AKR1B1: variants seen among roughly 807,000 people sequenced by gnomAD.
AKR1B1 encodes aldo-keto reductase family 1 member B.
Under a neutral mutation model 40.4 loss-of-function variants are expected in AKR1B1, and 22 were observed. The ratio of observed to expected loss-of-function variants is 0.54; its 90% CI spans 0.39 to 0.78. AKR1B1 has a LOEUF of 0.78. Among genes scored for constraint, AKR1B1 ranks in the 30% least tolerant of loss-of-function variants. AKR1B1 has a pLI of 0.00. For missense variants in AKR1B1, 357 were observed against 396.7 expected (o/e 0.90, Z 0.85); for synonymous variants, 157 against 149.9 (o/e 1.05, Z -0.35).
rs1329102867 is a variant in AKR1B1 at position 134,445,081 on chromosome 7, T to TGATGCAAGTCACGTGGCTGAG, written c.908+136_908+156dup. On this transcript the variant is annotated intron_variant, in intron 9 of 9. Coordinates refer to ENST00000285930, the MANE Select transcript of AKR1B1 (RefSeq NM_001628.4). ...GCATCTTGGCTCCATGCAGTTCAGCTGATGCAAGTCACGTGGCTGAGAAAG... is the reference window on the plus strand; with the variant it reads ...GCATCTTGGCTCCATGCAGTTCAGCTGATGCAAGTCACGTGGCTGAGGATGCAAGTCACGTGGCTGAGAAAG... The TGATGCAAGTCACGTGGCTGAG allele has an allele frequency of 1.4e-4, 104 of 722,808 alleles. 1 individual carries two copies. The highest frequency in any genetic ancestry group is 1.2e-3 in the South Asian group (80 of 66,610). 44.8% of individuals were successfully genotyped at this position (722,808 alleles called of 1,614,324 possible).
At chr7:134,445,733 C>A (rs992961354) in intron 8 of AKR1B1, among the ~76,000 whole-genome samples, 8 of 152,196 alleles carry the variant, frequency 5.3e-5, no homozygotes, top group Non-Finnish European at 7.3e-5. Context: ...CTCAACAGCA[C>A]AGGAAGGGCA....
intron 1 of AKR1B1, among the ~76,000 whole-genome samples, chr7:134,456,615 C>T (rs180751214): frequency 1.3e-5 from 2 of 152,246 alleles, no homozygotes; most frequent in Non-Finnish European, 2.9e-5. Flanking sequence ...TCTACACCAA[C>T]CTGATCTCCT....
At chr7:134,456,490 C>T (rs898860707) in intron 1 of AKR1B1, among the ~76,000 whole-genome samples, 2 of 151,758 alleles carry the variant, frequency 1.3e-5, no homozygotes, top group East Asian at 1.9e-4. Flanking sequence ...TGAGCCACCG[C>T]GCCCGGCCCC....
chr7:134,454,467 T>A (rs971971102), intron 1 of AKR1B1, among the ~76,000 whole-genome samples: 4 of 152,212 alleles, frequency 2.6e-5, no homozygotes, highest in African/African-American at 9.6e-5. Flanking sequence ...TCTTCCCTTT[T>A]GCTTACAGGT....
At chr7:134,457,776 G>C (rs1313736582) in intron 1 of AKR1B1, among the ~76,000 whole-genome samples, 1 of 152,122 alleles carries the variant, frequency 6.6e-6, no homozygotes, top group Non-Finnish European at 1.5e-5. Context: ...GAGGTGGGAG[G>C]AGCGCTTTGA....
chr7:134,450,951 T>C, intron 2 of AKR1B1, 49 bp from the exon 3 acceptor site: 1 of 1,496,320 alleles, frequency 6.7e-7, no homozygotes, highest in Non-Finnish European at 9.3e-7. Flanking sequence ...ACAAGGCAGC[T>C]TCCTGGCTGG....
At chr7:134,449,898 A>G (rs577434225) in intron 3 of AKR1B1, 101 bp from the exon 4 acceptor site, 1 of 947,714 alleles carries the variant, frequency 1.1e-6, no homozygotes, top group East Asian at 2.4e-5. Context: ...AAACCACCAC[A>G]GCTGGCTAGG....
rs372374617 is a variant in AKR1B1, at chr7:134,442,710, G to A, written c.*18C>T. 1.5e-5 allele frequency: 25 copies of A among 1,613,500 alleles called. No individual in the cohort carries two copies. Among genetic ancestry groups the A allele is most frequent in the Middle Eastern group, 1.6e-4 (1 of 6,078 alleles). ...ACACAGGTATAGGTCACTTGGGGAC[G>A]AGCAGGCAACCACAGCTTCAAAACT... On this transcript the variant is annotated 3_prime_UTR_variant, in exon 10 of 10. Coordinates refer to ENST00000285930, the MANE Select transcript of AKR1B1 (RefSeq NM_001628.4).
chr7:134,449,579 C>T (rs1259674144), intron 4 of AKR1B1, 141 bp downstream of exon 4: 15 of 743,146 alleles, frequency 2.0e-5, no homozygotes, highest in East Asian at 1.1e-4. Flanking sequence ...AGAGGGAGAC[C>T]CCAACTCAAA....
intron 9 of AKR1B1, among the ~76,000 whole-genome samples, chr7:134,443,488 G>C (rs2551467): frequency 6.6e-6 from 1 of 152,252 alleles, no homozygotes; most frequent in South Asian, 2.1e-4. Context: ...CAAGTGCTCT[G>C]AGGACAGAGG....
intron 1 of AKR1B1, among the ~76,000 whole-genome samples, chr7:134,454,397 A>G (rs558649569): frequency 2.0e-5 from 3 of 152,284 alleles, no homozygotes; most frequent in African/African-American, 7.2e-5. Context: ...TGAGACACTG[A>G]TAACTAAAAT....
rs1277333773 is a variant in AKR1B1 at position 134,442,555 on chromosome 7, TCTA to T, written c.*170_*172del. 4.9e-6 allele frequency: 3 copies of T among 613,106 alleles called. No homozygotes were observed. The African/African-American group carries it at 5.6e-5, about 11-fold the overall frequency. The allele number at this position is 613,106 out of a possible 1,614,324, so 38.0% of individuals were successfully genotyped here. A position where few individuals can be genotyped will look rare whatever the true frequency, so the allele number is the denominator to read the frequency against. On this transcript the variant is annotated 3_prime_UTR_variant, in exon 10 of 10. Coordinates refer to ENST00000285930, the MANE Select transcript of AKR1B1 (RefSeq NM_001628.4). ...AAAGCAAACTGGAAGAGACTTCTAC[TCTA>T]CTGACAGGGCTCTTGAGATCCAACA...
At chr7:134,447,548 T>G in intron 7 of AKR1B1, 167 bp from the exon 8 acceptor site, 2 of 697,058 alleles carry the variant, frequency 2.9e-6, no homozygotes, top group Admixed American at 2.0e-5. Context: ...AGGCGACGCA[T>G]TCAGGTCCAG....
upstream of AKR1B1, chr7:134,459,142 C>T (rs1806596209): frequency 4.0e-6 from 6 of 1,514,028 alleles, no homozygotes; most frequent in Non-Finnish European, 5.4e-6. Flanking sequence ...CCCGTGAGGT[C>T]GGCAGAAAGG....
chr7:134,454,557 C>G (rs143136114), intron 1 of AKR1B1, among the ~76,000 whole-genome samples: 1 of 152,316 alleles, frequency 6.6e-6, no homozygotes, highest in South Asian at 2.1e-4. Flanking sequence ...AACAGGAAGA[C>G]GGTCACAGGA....
rs1806265657 is a variant in AKR1B1, at chr7:134,450,898, C to T, written c.239G>A (p.Trp80Ter). 6.2e-7 allele frequency: 1 copy of T among 1,613,750 alleles called. No homozygotes were observed. Among genetic ancestry groups the T allele is most frequent in the Non-Finnish European group, 8.5e-7 (1 of 1,179,716 alleles). Residue 80 changes from tryptophan to a stop codon, truncating the protein, a stop_gained, in exon 3 of 10, where the codon TGG becomes TAG. Transcript: ENST00000285930. LOFTEE classifies it high-confidence loss of function. ...REELFIVSKL[W>*]CTYHEKGLVK... ...CAGGCCCTTCTCATGGTACGTGCAC[C>T]ACAGCTAAGCCAGCGAGAGGGCACA... is the stretch of plus-strand genomic sequence containing the variant.
At chr7:134,449,318 G>A (rs1806207246) in intron 4 of AKR1B1, 199 bp from the exon 5 acceptor site, 1 of 717,306 alleles carries the variant, frequency 1.4e-6, no homozygotes. Flanking sequence ...CGGGCGCGGT[G>A]GCTCACGCCT....
In AKR1B1 at chr7:134,449,541, T is replaced by C. The variant is rs961618920; in HGVS notation, c.429+179A>G. The C allele has an allele frequency of 3.1e-5, 20 of 642,640 alleles. 1 individual carries two copies. Among genetic ancestry groups the C allele is most frequent in the Admixed American group, 1.5e-4 (6 of 38,754 alleles). The allele number at this position is 642,640 out of a possible 1,614,324, so 39.8% of individuals were successfully genotyped here. On this transcript the variant is annotated intron_variant, in intron 4 of 9. Transcript: ENST00000285930. ...GGTGGAGCTTGCAGTGAGCCGAGAT[T>C]GTGCCACTGCACTCCAGCCTGGGCA...
At chr7:134,458,316 C>G (rs1806533127) in intron 1 of AKR1B1, among the ~76,000 whole-genome samples, 1 of 152,132 alleles carries the variant, frequency 6.6e-6, no homozygotes, top group South Asian at 2.1e-4. Context: ...TATCAACTAG[C>G]TACGGGGTGC....
Sources: allele counts gnomAD v4.1 joint callset (sites outside exome capture counted in the v4.1 genomes callset), GRCh38; gene constraint gnomAD v4.1.1; transcripts MANE v1.5; gene names NCBI Gene and HGNC (gene_info 2026-07-23, HGNC 2026-07-21).